CAMK2D: variants seen among roughly 807,000 people sequenced by gnomAD.
The protein encoded by CAMK2D is calcium/calmodulin dependent protein kinase II delta, also known as calcium/calmodulin-dependent protein kinase type II subunit delta.
CAMK2D carries 37 observed loss-of-function variants against 84.0 expected under a neutral mutation model. The observed-to-expected ratio is 0.44, with a 90% CI of 0.34 to 0.58. The LOEUF (loss-of-function observed/expected upper bound fraction) is 0.58. CAMK2D is among the 20% of genes least tolerant of loss of function. CAMK2D has a pLI of 0.02. For missense variants in CAMK2D, 448 were observed against 652.5 expected (o/e 0.69, Z 3.41); for synonymous variants, 202 against 212.5 (o/e 0.95, Z 0.43).
chr4:113,515,678 A>G (rs1277388888), intron 9 of CAMK2D, among the ~76,000 whole-genome samples: 1 of 152,204 alleles, frequency 6.6e-6, no homozygotes, highest in African/African-American at 2.4e-5. Context: ...CAGAGGTAAT[A>G]AAACAGCTTC....
chr4:113,505,423 C>G (rs997401872), intron 13 of CAMK2D, among the ~76,000 whole-genome samples: 1 of 152,124 alleles, frequency 6.6e-6, no homozygotes, highest in African/African-American at 2.4e-5. Flanking sequence ...TCTTTCTTCC[C>G]TCATTTTATT....
chr4:113,642,326 T>C (rs1209401444), intron 3 of CAMK2D, among the ~76,000 whole-genome samples: 1 of 152,232 alleles, frequency 6.6e-6, no homozygotes, highest in East Asian at 1.9e-4. Flanking sequence ...TGCAGAGTCA[T>C]TTCTATCTCA....
chr4:113,650,419 A>C (rs2099168152), intron 3 of CAMK2D, among the ~76,000 whole-genome samples: 1 of 151,270 alleles, frequency 6.6e-6, no homozygotes, highest in Non-Finnish European at 1.5e-5. Flanking sequence ...CGGGAGGCTG[A>C]GGCAAGAGAA....
At chr4:113,586,294 G>C (rs531133195) in intron 4 of CAMK2D, among the ~76,000 whole-genome samples, 1 of 152,112 alleles carries the variant, frequency 6.6e-6, no homozygotes, top group Non-Finnish European at 1.5e-5. Context: ...GGAACTGCTG[G>C]AGGTCACCAT....
intron 4 of CAMK2D, among the ~76,000 whole-genome samples, chr4:113,597,636 T>C (rs1226156322): frequency 6.6e-6 from 1 of 152,240 alleles, no homozygotes; most frequent in African/African-American, 2.4e-5. Context: ...TGCTGTCTTA[T>C]CATCTGTTTG....
At chr4:113,467,950 AT>A (rs11463763) in intron 16 of CAMK2D, among the ~76,000 whole-genome samples, 4 of 149,896 alleles carry the variant, frequency 2.7e-5, no homozygotes, top group Non-Finnish European at 3.0e-5. Flanking sequence ...AAACTAACAG[AT>A]TTTTTTTTTT....
intron 2 of CAMK2D, among the ~76,000 whole-genome samples, chr4:113,695,942 C>A (rs140583913): frequency 6.6e-6 from 1 of 152,126 alleles, no homozygotes; most frequent in Non-Finnish European, 1.5e-5. Context: ...TTCTATTACT[C>A]TCCTCTGACT....
intron 8 of CAMK2D, 65 bp from the exon 9 acceptor site, chr4:113,517,722 G>T: frequency 1.3e-6 from 1 of 753,394 alleles, no homozygotes; most frequent in Non-Finnish European, 2.4e-6. Flanking sequence ...AAATGTGGCT[G>T]ATCCACAATG....
At chr4:113,457,100 T>C in intron 19 of CAMK2D, 1 of 1,004,580 alleles carries the variant, frequency 1.0e-6, no homozygotes, top group Non-Finnish European at 1.3e-6. Context: ...ACGTAGTCTC[T>C]CGTCCTGTCT....
At chr4:113,504,628 G>C (rs1020600010) in intron 14 of CAMK2D, among the ~76,000 whole-genome samples, 1 of 152,072 alleles carries the variant, frequency 6.6e-6, no homozygotes, top group African/African-American at 2.4e-5. Flanking sequence ...GCATAATCTA[G>C]AACTATCATC....
chr4:113,680,680 A>G (rs1200672910), intron 2 of CAMK2D, among the ~76,000 whole-genome samples: 1 of 152,214 alleles, frequency 6.6e-6, no homozygotes, highest in Non-Finnish European at 1.5e-5. Context: ...GAGGACACTG[A>G]GGCACACAGA....
intron 4 of CAMK2D, among the ~76,000 whole-genome samples, chr4:113,592,615 A>AT (rs988093719): frequency 6.6e-5 from 10 of 152,194 alleles, no homozygotes; most frequent in African/African-American, 1.9e-4. Context: ...ATGGAGTATG[A>AT]TTTTTTTTAA....
Position 113,701,308 on chromosome 4 carries a change from C to T in CAMK2D, c.161-39536G>A, listed in dbSNP as rs946276460. Among the ~76,000 whole-genome samples, 12 of 152,294 alleles carry T rather than the reference C, an allele frequency of 7.9e-5. No homozygotes were observed. In the South Asian group the frequency reaches 1.4e-3, roughly 18 times the overall value. Reference sequence around the variant, plus strand: ...TTTTTTCCCTCTGTCTCTTTGTTTACTTAACTCTCAACAATTGGAATGCTA... The same window carrying T: ...TTTTTTCCCTCTGTCTCTTTGTTTATTTAACTCTCAACAATTGGAATGCTA... On this transcript the variant is annotated intron_variant, in intron 2 of 20. Transcript: ENST00000511664.
intron 2 of CAMK2D, among the ~76,000 whole-genome samples, chr4:113,672,062 A>G (rs2099289365): frequency 6.6e-6 from 1 of 152,156 alleles, no homozygotes; most frequent in Non-Finnish European, 1.5e-5. Context: ...AAAGTAGAAG[A>G]TGAGAATGTA....
At chr4:113,477,816 T>A (rs920404473) in intron 16 of CAMK2D, among the ~76,000 whole-genome samples, 1 of 151,738 alleles carries the variant, frequency 6.6e-6, no homozygotes. Flanking sequence ...GTTTAACCAA[T>A]GCAACTGCAG....
chr4:113,594,174 C>T (rs1233999521), intron 4 of CAMK2D, among the ~76,000 whole-genome samples: 1 of 152,110 alleles, frequency 6.6e-6, no homozygotes, highest in East Asian at 1.9e-4. Context: ...GAACAGATCT[C>T]AGGAGAACTC....
intron 4 of CAMK2D, among the ~76,000 whole-genome samples, chr4:113,552,733 C>T (rs554323683): frequency 2.0e-5 from 3 of 152,100 alleles, no homozygotes; most frequent in Non-Finnish European, 2.9e-5. Context: ...CGTGCACACA[C>T]GTGTATGTGC....
chr4:113,716,287 T>C (rs1206886034), intron 2 of CAMK2D, among the ~76,000 whole-genome samples: 1 of 152,186 alleles, frequency 6.6e-6, no homozygotes, highest in Non-Finnish European at 1.5e-5. Flanking sequence ...TATCATTCTA[T>C]TATACACTAA....
At chr4:113,508,089 G>C (rs1311648952) in intron 13 of CAMK2D, 1 of 620,684 alleles carries the variant, frequency 1.6e-6, no homozygotes, top group Non-Finnish European at 3.0e-6. Flanking sequence ...ATATGTAAGA[G>C]AAGTACCGTG....
Sources: allele counts gnomAD v4.1 joint callset (sites outside exome capture counted in the v4.1 genomes callset), GRCh38; gene constraint gnomAD v4.1.1; transcripts MANE v1.5; gene names NCBI Gene and HGNC (gene_info 2026-07-23, HGNC 2026-07-21).